The following KIF13B variants were observed in gnomAD, a reference collection of about 807,000 sequenced individuals.
KIF13B encodes the protein kinesin family member 13B.
A neutral mutation model predicts 222.0 loss-of-function variants in KIF13B; 127 were observed. That is an observed-to-expected ratio of 0.57 (90% CI 0.50 to 0.66). The LOEUF is 0.66. Among genes scored for constraint, KIF13B ranks in the 30% least tolerant of loss-of-function variants. The pLI is 0.00. For synonymous variants in KIF13B, 976 were observed against 919.0 expected, an observed-to-expected ratio of 1.06 and a Z score of -1.12; for missense variants, 2,173 against 2,379.0, an observed-to-expected ratio of 0.91 and a Z score of 1.80.
At chr8:29,222,266 C>A (rs1409317047) in intron 2 of KIF13B, among the ~76,000 whole-genome samples, 1 of 152,090 alleles carries the variant, frequency 6.6e-6, no homozygotes, top group African/African-American at 2.4e-5. Context: ...CAAGAGATTG[C>A]TTGAGCCCAG....
rs140488755 is a variant in KIF13B at position 29,235,838 on chromosome 8, G to A, written c.149+9508C>T. Among the ~76,000 whole-genome samples, 118 of 152,268 alleles carry A rather than the reference G, an allele frequency of 7.7e-4. 1 individual carries two copies. Among genetic ancestry groups the A allele is most frequent in the African/African-American group, 2.8e-3 (116 of 41,560 alleles). On this transcript the variant is annotated intron_variant, in intron 2 of 39. Coordinates refer to ENST00000524189, the MANE Select transcript of KIF13B (RefSeq NM_015254.4). ...TTCCAGAAACTGGTTAGAAAGCTAC[G>A]TTGTCATCTAAACACAAGGCAATGA...
chr8:29,109,545 A>G, intron 33 of KIF13B, 34 bp from the exon 34 acceptor site: 2 of 1,568,052 alleles, frequency 1.3e-6, no homozygotes, highest in Non-Finnish European at 1.8e-6. Context: ...GGAAAAAGAC[A>G]TGTAAGAGAC....
chr8:29,190,363 G>A (rs1418740961), intron 4 of KIF13B: 1 of 152,286 alleles, frequency 6.6e-6, no homozygotes, highest in Non-Finnish European at 1.5e-5. Context: ...AAAAGGACTG[G>A]GTTCAGAGAG....
rs1815455062 is a variant in KIF13B at position 29,235,210 on chromosome 8, CAA to C, written c.149+10134_149+10135del. Among the ~76,000 whole-genome samples the C allele has an allele frequency of 2.0e-5, 3 of 152,122 alleles. No individual in the cohort carries two copies. In the South Asian group the frequency reaches 6.2e-4, roughly 32 times the overall value. On this transcript the variant is annotated intron_variant, in intron 2 of 39. Transcript: ENST00000524189. ...TACAACCAATGAAACAGCATTGACA[CAA>C]AAGATTGTCGTCAAAGTGACAAAAG... is the stretch of plus-strand genomic sequence containing the variant.
chr8:29,072,291 A>G lies in KIF13B; in HGVS notation c.4547T>C (p.Val1516Ala), dbSNP rs1586737956. ...EEAQPEMGPD[V>A]LVQTMGAPAL... ...CGGGGCCCCCATCGTCTGCACCAGC[A>G]CGTCAGGGCCCATCTCCGGCTGAGC... is the stretch of plus-strand genomic sequence containing the variant. The change falls in exon 39 of 40, where the codon GTG (valine) becomes GCG (alanine). Residue 1516 changes from valine (V) to alanine (A), a missense_variant. Coordinates refer to ENST00000524189, the MANE Select transcript of KIF13B (RefSeq NM_015254.4). 1 of 1,444,998 alleles carries G rather than the reference A, an allele frequency of 6.9e-7. No homozygotes were observed. The highest frequency in any genetic ancestry group is 1.5e-5 in the African/African-American group (1 of 67,664). 89.5% of individuals were successfully genotyped at this position (1,444,998 alleles called of 1,614,324 possible).
Position 29,248,598 on chromosome 8 carries a change from A to G in KIF13B, c.56-3159T>C, listed in dbSNP as rs556589794. The stretch of plus-strand genomic sequence containing the variant: ...CGTGAGACTTATTCATTACCATGAG[A>G]ACAGTATGGAAGAAACTGACCCCAT... On this transcript the variant is annotated intron_variant, in intron 1 of 39. Transcript: ENST00000524189. 2.6e-4 allele frequency among the ~76,000 whole-genome samples: 39 copies of G among 152,262 alleles called. No individual in the cohort carries two copies. The South Asian group carries it at 8.1e-3, about 32-fold the overall frequency.
At chr8:29,164,301 G>C (rs544082353) in intron 12 of KIF13B, among the ~76,000 whole-genome samples, 9 of 152,326 alleles carry the variant, frequency 5.9e-5, no homozygotes, top group African/African-American at 2.2e-4. Flanking sequence ...AGTGAAAACA[G>C]ATTGAGCAAG....
At position 29,153,019 on chromosome 8, in the gene KIF13B, T is replaced by C. The variant is rs1437102170; in HGVS notation, c.1536-2636A>G. Among the ~76,000 whole-genome samples the C allele has an allele frequency of 7.2e-5, 11 of 152,338 alleles. No homozygotes were observed. In the East Asian group the frequency reaches 1.5e-3, roughly 21 times the overall value. On this transcript the variant is annotated intron_variant, in intron 14 of 39. Coordinates refer to ENST00000524189, the MANE Select transcript of KIF13B (RefSeq NM_015254.4). ...TTGCTTTACTATGATATTTGCTTCATTGTGGAAGTCCGAACCTGCAAAGTC... is the reference window on the plus strand; with the variant it reads ...TTGCTTTACTATGATATTTGCTTCACTGTGGAAGTCCGAACCTGCAAAGTC...
chr8:29,257,797 G>C (rs1353136400), intron 1 of KIF13B, among the ~76,000 whole-genome samples: 1 of 152,050 alleles, frequency 6.6e-6, no homozygotes, highest in Non-Finnish European at 1.5e-5. Context: ...GGGCAACAGA[G>C]GGAGACCCTG....
intron 13 of KIF13B, among the ~76,000 whole-genome samples, chr8:29,158,829 C>T (rs1811646807): frequency 6.6e-6 from 1 of 150,560 alleles, no homozygotes; most frequent in African/African-American, 2.5e-5. Context: ...CACAAGATGA[C>T]CAGAAACTTT....
In KIF13B at chr8:29,147,478, A is replaced by C; in HGVS notation, c.1938T>G (p.Pro646=). 1 of 1,613,370 alleles carries C rather than the reference A, an allele frequency of 6.2e-7. No individual in the cohort carries two copies. The highest frequency in any genetic ancestry group is 1.1e-5 in the South Asian group (1 of 90,920). ...ELEQLRRRLS[P]EKQNCRSMDR... is the part of the protein sequence containing the mutation. ...CCATGCTCCGGCAGTTCTGCTTCTC[A>C]GGAGACAGCCTTCTCCGGAGCTGCT... The change falls in exon 17 of 40, where the codon CCT becomes CCG. Residue 646 remains proline, a synonymous_variant. Coordinates refer to ENST00000524189, the MANE Select transcript of KIF13B (RefSeq NM_015254.4).
intron 30 of KIF13B, among the ~76,000 whole-genome samples, chr8:29,117,311 G>A (rs768031802): frequency 3.3e-5 from 5 of 152,048 alleles, no homozygotes; most frequent in East Asian, 3.9e-4. Context: ...TCATCCCGAC[G>A]CACCAACTGC....
At chr8:29,122,853 T>C (rs1809937632) in intron 28 of KIF13B, among the ~76,000 whole-genome samples, 1 of 152,248 alleles carries the variant, frequency 6.6e-6, no homozygotes, top group Non-Finnish European at 1.5e-5. Flanking sequence ...AACTTAGCCT[T>C]ATAAGACACT....
At chr8:29,246,869 C>G (rs1459164568) in intron 1 of KIF13B, among the ~76,000 whole-genome samples, 1 of 152,154 alleles carries the variant, frequency 6.6e-6, no homozygotes, top group East Asian at 1.9e-4. Flanking sequence ...GTCTTTTCAA[C>G]AAATGGTGAG....
intron 37 of KIF13B, among the ~76,000 whole-genome samples, chr8:29,087,112 C>A (rs1808080136): frequency 6.6e-6 from 1 of 152,204 alleles, no homozygotes; most frequent in African/African-American, 2.4e-5. Flanking sequence ...CAGAGGATGG[C>A]CCTGGCTGCA....
intron 37 of KIF13B, among the ~76,000 whole-genome samples, chr8:29,089,599 A>C (rs1017049099): frequency 6.6e-6 from 1 of 152,148 alleles, no homozygotes; most frequent in Non-Finnish European, 1.5e-5. Context: ...TCCCGATAAA[A>C]AGGTCAGAAA....
At chr8:29,099,300 A>T in intron 35 of KIF13B, 59 bp from the exon 36 acceptor site, 2 of 1,177,916 alleles carry the variant, frequency 1.7e-6, no homozygotes, top group Admixed American at 2.2e-5. Flanking sequence ...AAACAAAAAA[A>T]AATTACAGAT....
In KIF13B at chr8:29,148,752, T is replaced by C. The variant is rs1279490110; in HGVS notation, c.1638A>G (p.Lys546=). Residue 546 remains lysine (K), a synonymous_variant, in exon 16 of 40, where the codon AAA becomes AAG. Coordinates refer to ENST00000524189, the MANE Select transcript of KIF13B (RefSeq NM_015254.4). ...CCTCTCGTTCTGCTTTCTTTTTCTT[T>C]TTAGGCAAATTGAGTCTTGGTGGGA... ...NNHFFRLNLP[K]KKKKAEREDE... The C allele has an allele frequency of 6.3e-7, 1 of 1,596,166 alleles. No homozygotes were observed. Among genetic ancestry groups the C allele is most frequent in the East Asian group, 2.2e-5 (1 of 44,546 alleles).
chr8:29,163,666 A>G (rs1052977787), intron 12 of KIF13B, among the ~76,000 whole-genome samples: 15 of 152,214 alleles, frequency 9.9e-5, no homozygotes, highest in African/African-American at 3.6e-4. Flanking sequence ...AGAAAAGAAA[A>G]ACATTCAACA....
Sources: allele counts gnomAD v4.1 joint callset (sites outside exome capture counted in the v4.1 genomes callset), GRCh38; gene constraint gnomAD v4.1.1; transcripts MANE v1.5; gene names NCBI Gene and HGNC (gene_info 2026-07-23, HGNC 2026-07-21).